Variants in MTA3 observed in about 807,000 individuals in gnomAD.
MTA3 encodes metastasis-associated protein MTA3.
Under a neutral mutation model 83.5 loss-of-function variants are expected in MTA3, and 34 were observed. The observed-to-expected ratio is 0.41, with a 90% CI of 0.31 to 0.54. The LOEUF (loss-of-function observed/expected upper bound fraction) is 0.54, where lower values mean the gene tolerates loss of function less well. Among genes scored for constraint, MTA3 ranks in the 20% least tolerant of loss-of-function variants. The pLI, the probability that MTA3 is intolerant of heterozygous loss-of-function variation, is 0.33. For missense variants in MTA3, 761 were observed against 726.4 expected (o/e 1.05, Z -0.55); for synonymous variants, 303 against 252.7 (o/e 1.20, Z -1.89).
chr2:42,614,105 C>T (rs1684554535), intron 4 of MTA3: 2 of 151,948 alleles, frequency 1.3e-5, no homozygotes, highest in African/African-American at 2.4e-5. Flanking sequence ...AATAGATTTT[C>T]TTTTTTTCTG....
At chr2:42,649,469 A>G (rs569020028) in intron 6 of MTA3, among the ~76,000 whole-genome samples, 1 of 152,250 alleles carries the variant, frequency 6.6e-6, no homozygotes, top group African/African-American at 2.4e-5. Context: ...AAGAATTAAA[A>G]TAGTATATCT....
At chr2:42,647,162 A>AAAAAACAAAAAAAC (rs1347018721) in intron 6 of MTA3, among the ~76,000 whole-genome samples, 8 of 151,262 alleles carry the variant, frequency 5.3e-5, no homozygotes, top group African/African-American at 1.5e-4. Context: ...GTCTAAAAAA[A>AAAAAACAAAAAAAC]AAAAACAAAA....
intron 8 of MTA3, 24 bp downstream of exon 8, chr2:42,659,886 TG>T (rs781148373): frequency 6.4e-7 from 1 of 1,558,174 alleles, no homozygotes; most frequent in East Asian, 2.3e-5. Flanking sequence ...TGAAATTTTG[TG>T]GGTATTTATC....
At chr2:42,627,737 T>G (rs1243668686) in intron 4 of MTA3, among the ~76,000 whole-genome samples, 1 of 147,406 alleles carries the variant, frequency 6.8e-6, no homozygotes, top group African/African-American at 2.5e-5. Flanking sequence ...TTTTTTTTTT[T>G]TTTTTTTTTT....
intron 2 of MTA3, among the ~76,000 whole-genome samples, chr2:42,524,324 G>C (rs1462110562): frequency 6.6e-6 from 1 of 150,556 alleles, no homozygotes; most frequent in East Asian, 1.9e-4. Context: ...TTTTTTAAAT[G>C]GAGTCTCACC....
chr2:42,556,058 C>G lies in MTA3; in HGVS notation c.-140-14379C>G, dbSNP rs1054591630. Among the ~76,000 whole-genome samples, 6 of 150,522 alleles carry G rather than the reference C, an allele frequency of 4.0e-5. 1 individual carries two copies. The highest frequency in any genetic ancestry group is 1.2e-4 in the African/African-American group (5 of 40,824). On this transcript the variant is annotated intron_variant, in intron 2 of 17. Transcript: ENST00000405592. ...CTGCATTCCAGCCTGGGCGACAGAG[C>G]GAGACTCTGTCTCAAAAAACAAAAG...
intron 3 of MTA3, among the ~76,000 whole-genome samples, chr2:42,606,355 C>A (rs1051870373): frequency 1.4e-5 from 2 of 147,606 alleles, no homozygotes; most frequent in African/African-American, 5.0e-5. Context: ...GGGCAGCTGC[C>A]GGGCGGAGGG....
intron 2 of MTA3, among the ~76,000 whole-genome samples, chr2:42,560,130 C>A (rs1677594654): frequency 6.6e-6 from 1 of 152,056 alleles, no homozygotes; most frequent in Admixed American, 6.6e-5. Flanking sequence ...GCAAGCGATT[C>A]TCCCGCCTCA....
At chr2:42,520,723 A>G (rs1310922858) in intron 2 of MTA3, among the ~76,000 whole-genome samples, 1 of 151,634 alleles carries the variant, frequency 6.6e-6, no homozygotes, top group Non-Finnish European at 1.5e-5. Context: ...GCACCACCAC[A>G]CCGGGCTAAT....
chr2:42,704,106 A>G, intron 11 of MTA3, 88 bp from the exon 12 acceptor site: 1 of 1,383,366 alleles, frequency 7.2e-7, no homozygotes, highest in African/African-American at 1.5e-5. Context: ...TATGTTTATT[A>G]AATAGTGACG....
chr2:42,629,572 G>A (rs1341454615), intron 4 of MTA3, among the ~76,000 whole-genome samples: 1 of 152,148 alleles, frequency 6.6e-6, no homozygotes, highest in African/African-American at 2.4e-5. Context: ...GAACAAGGAG[G>A]TGGGAGGAAA....
intron 8 of MTA3, among the ~76,000 whole-genome samples, chr2:42,679,427 A>G (rs959519985): frequency 6.6e-6 from 1 of 152,214 alleles, no homozygotes; most frequent in African/African-American, 2.4e-5. Flanking sequence ...AGAAAGGCCA[A>G]TGTGCAACTA....
intron 2 of MTA3, among the ~76,000 whole-genome samples, chr2:42,575,652 A>G (rs528903000): frequency 6.6e-6 from 1 of 152,320 alleles, no homozygotes; most frequent in African/African-American, 2.4e-5. Context: ...TAGAAATGTC[A>G]CAGCATGGTG....
intron 3 of MTA3, among the ~76,000 whole-genome samples, chr2:42,604,980 CTTCT>C (rs1683068205): frequency 6.7e-6 from 1 of 150,330 alleles, no homozygotes; most frequent in African/African-American, 2.4e-5. Flanking sequence ...CCCATGTCTA[CTTCT>C]TTCCACACAG....
chr2:42,643,040 C>G (rs1001685061), intron 5 of MTA3, among the ~76,000 whole-genome samples: 1 of 145,910 alleles, frequency 6.9e-6, no homozygotes, highest in South Asian at 2.2e-4. Flanking sequence ...TGTCTCCCCC[C>G]CCCCCCTTTT....
chr2:42,528,346 A>G (rs949412467), intron 2 of MTA3, among the ~76,000 whole-genome samples: 28 of 152,002 alleles, frequency 1.8e-4, no homozygotes, highest in African/African-American at 6.5e-4. Flanking sequence ...CAGCCTCCCA[A>G]GTAGCTGGGA....
intron 6 of MTA3, among the ~76,000 whole-genome samples, chr2:42,648,372 G>A (rs1688411258): frequency 6.6e-6 from 1 of 152,206 alleles, no homozygotes; most frequent in Non-Finnish European, 1.5e-5. Context: ...GTACTCCTGA[G>A]TGGGTACATT....
At chr2:42,593,359 A>G (rs1364002594) in intron 3 of MTA3, among the ~76,000 whole-genome samples, 8 of 152,068 alleles carry the variant, frequency 5.3e-5, no homozygotes, top group Non-Finnish European at 1.0e-4. Flanking sequence ...TCAAAACAAA[A>G]AAAAGTATAG....
At chr2:42,693,926 G>A (rs1182715788) in intron 9 of MTA3, among the ~76,000 whole-genome samples, 1 of 151,838 alleles carries the variant, frequency 6.6e-6, no homozygotes, top group African/African-American at 2.4e-5. Flanking sequence ...TACTACCCAG[G>A]CATTGCTGCT....
Sources: allele counts gnomAD v4.1 joint callset (sites outside exome capture counted in the v4.1 genomes callset), GRCh38; gene constraint gnomAD v4.1.1; transcripts MANE v1.5; gene names NCBI Gene and HGNC (gene_info 2026-07-23, HGNC 2026-07-21).